The following ATG4C variants were observed in gnomAD, a reference collection of about 807,000 sequenced individuals.
ATG4C encodes autophagy related 4C cysteine peptidase, also known as cysteine protease ATG4C.
ATG4C carries 56 observed loss-of-function variants against 57.6 expected under a neutral mutation model. That is an observed-to-expected ratio of 0.97 (90% CI 0.78 to 1.21). The LOEUF is 1.21. ATG4C is among the 50% of genes most tolerant of loss of function. The pLI is 0.00. For missense variants in ATG4C, 595 were observed against 529.8 expected (o/e 1.12, Z -1.21); for synonymous variants, 157 against 174.1 (o/e 0.90, Z 0.78).
At chr1:62,814,177 A>G (rs1331146534) in intron 3 of ATG4C, among the ~76,000 whole-genome samples, 1 of 152,240 alleles carries the variant, frequency 6.6e-6, no homozygotes, top group Non-Finnish European at 1.5e-5. Flanking sequence ...TCACAATAGC[A>G]AAGACTTGGA....
Position 62,863,998 on chromosome 1 carries a change from A to T in ATG4C, c.1216A>T (p.Lys406Ter), listed in dbSNP as rs781531420. The T allele has an allele frequency of 2.5e-6, 4 of 1,570,290 alleles. No homozygotes were observed. Among genetic ancestry groups the T allele is most frequent in the African/African-American group, 1.4e-5 (1 of 72,432 alleles). The change falls in exon 11 of 11, where the codon AAA becomes TAA. Residue 406 changes from lysine (K) to a stop codon, truncating the protein, a stop_gained. Transcript: ENST00000317868. LOFTEE classifies it high-confidence loss of function. ...TCTATACTTTCTGTTACAGATGCTG[A>T]AATTTTCTTCTAAGGAGAAATATCC... ...RASEEITKML[K>*]FSSKEKYPLF...
intron 2 of ATG4C, 46 bp downstream of exon 2, chr1:62,803,908 G>T: frequency 1.6e-6 from 2 of 1,233,462 alleles, no homozygotes; most frequent in Admixed American, 2.1e-5. Context: ...AGAAATATTT[G>T]ACAATATTTA....
intron 10 of ATG4C, among the ~76,000 whole-genome samples, chr1:62,850,431 A>G (rs1666469322): frequency 6.6e-6 from 1 of 152,130 alleles, no homozygotes; most frequent in Non-Finnish European, 1.5e-5. Context: ...TTAATTTTTT[A>G]AAGAACCTTA....
chr1:62,845,245 A>G (rs1255222216), intron 10 of ATG4C, among the ~76,000 whole-genome samples: 1 of 152,136 alleles, frequency 6.6e-6, no homozygotes, highest in Non-Finnish European at 1.5e-5. Context: ...TAACATCCTT[A>G]TCAACACTTG....
chr1:62,819,263 T>C lies in ATG4C; in HGVS notation c.653T>C (p.Ile218Thr), dbSNP rs780517769. Residue 218 changes from isoleucine to threonine, a missense_variant, in exon 5 of 11, where the codon ATA becomes ACA. Transcript: ENST00000317868. ...GCTCTTTTTGGCTTACATCAACTAA[T>C]AGAATATGGAAAGAAGTCTGGGAAA... ...PLALFGLHQL[I>T]EYGKKSGKKA... is the part of the protein sequence containing the mutation. The C allele has an allele frequency of 6.4e-5, 104 of 1,613,134 alleles. No individual in the cohort carries two copies. The highest frequency in any genetic ancestry group is 4.7e-4 in the Admixed American group (28 of 59,888).
rs114190274 is a variant in ATG4C at position 62,809,483 on chromosome 1, A to G, written c.160+4228A>G. Among the ~76,000 whole-genome samples, 1,159 of 144,836 alleles carry G rather than the reference A, an allele frequency of 8.0e-3. 32 individuals are homozygous for G. The highest frequency in any genetic ancestry group is 0.028 in the African/African-American group (1,078 of 38,198). Reference sequence around the variant, plus strand: ...TGTATATATAAATACATATAGACATATATAGTGTATATAATATATAGTCTA... The same window carrying G: ...TGTATATATAAATACATATAGACATGTATAGTGTATATAATATATAGTCTA... On this transcript the variant is annotated intron_variant, in intron 3 of 10. Transcript: ENST00000317868.
chr1:62,790,434 C>T (rs1664238400), intron 1 of ATG4C, among the ~76,000 whole-genome samples: 2 of 152,156 alleles, frequency 1.3e-5, no homozygotes, highest in Non-Finnish European at 2.9e-5. Flanking sequence ...GATACCGCTT[C>T]CAGCAACAGA....
chr1:62,860,754 A>G (rs1186578256), intron 10 of ATG4C, among the ~76,000 whole-genome samples: 1 of 152,216 alleles, frequency 6.6e-6, no homozygotes, highest in Non-Finnish European at 1.5e-5. Flanking sequence ...TAACCCCTAC[A>G]TAGGGTATAG....
intron 6 of ATG4C, among the ~76,000 whole-genome samples, chr1:62,827,725 G>A (rs934093788): frequency 1.3e-5 from 2 of 151,986 alleles, no homozygotes; most frequent in African/African-American, 4.8e-5. Flanking sequence ...CTTATGTCAC[G>A]GGGGTTTGTT....
In ATG4C at chr1:62,838,641, G is replaced by A. The variant is rs570826976; in HGVS notation, c.1090-2787G>A. On this transcript the variant is annotated intron_variant, in intron 9 of 10. Transcript: ENST00000317868. ...AAAAATACAAAAAAATTAGCTGGGC[G>A]TGGTGGTGCGCACCTGTAATCCCAG... Among the ~76,000 whole-genome samples, 13 of 152,152 alleles carry A rather than the reference G, an allele frequency of 8.5e-5. No homozygotes were observed. In the East Asian group the frequency reaches 2.3e-3, roughly 27 times the overall value.
rs777963015 is a variant in ATG4C at position 62,821,218 on chromosome 1, T to A, written c.796+9T>A. 1.9e-6 allele frequency: 3 copies of A among 1,543,138 alleles called. No homozygotes were observed. Among genetic ancestry groups the A allele is most frequent in the Non-Finnish European group, 1.8e-6 (2 of 1,140,084 alleles). On this transcript the variant is annotated intron_variant, in intron 6 of 10. Coordinates refer to ENST00000317868, the MANE Select transcript of ATG4C (RefSeq NM_032852.4). ...TGCACAAGATTGTACAGGTAAGGAA[T>A]GTATATAATTCTAATCTTTGTTTTA...
intron 3 of ATG4C, among the ~76,000 whole-genome samples, chr1:62,808,344 A>G (rs1664947266): frequency 6.6e-6 from 1 of 152,222 alleles, no homozygotes; most frequent in Non-Finnish European, 1.5e-5. Flanking sequence ...GTGGTACACT[A>G]GAGGAAGCCT....
intron 1 of ATG4C, among the ~76,000 whole-genome samples, chr1:62,789,333 G>A (rs1014169449): frequency 1.3e-5 from 2 of 152,140 alleles, no homozygotes; most frequent in African/African-American, 2.4e-5. Context: ...AATCTGGTCA[G>A]TAGTAGATCC....
chr1:62,863,690 C>G (rs971624326), intron 10 of ATG4C, among the ~76,000 whole-genome samples: 2 of 152,010 alleles, frequency 1.3e-5, no homozygotes, highest in Admixed American at 6.6e-5. Flanking sequence ...CAACCTAACT[C>G]TCTAGTATTT....
intron 1 of ATG4C, among the ~76,000 whole-genome samples, chr1:62,796,630 C>T (rs1355041942): frequency 1.3e-5 from 2 of 152,112 alleles, no homozygotes; most frequent in East Asian, 3.8e-4. Context: ...CCAGCAGTTT[C>T]AGTTGTATTG....
chr1:62,820,267 G>A (rs532452315), intron 5 of ATG4C, among the ~76,000 whole-genome samples: 2 of 152,052 alleles, frequency 1.3e-5, no homozygotes, highest in African/African-American at 2.4e-5. Context: ...CTTCTGTGAA[G>A]TGACAATAGT....
At chr1:62,813,357 C>T (rs1665153739) in intron 3 of ATG4C, among the ~76,000 whole-genome samples, 1 of 152,106 alleles carries the variant, frequency 6.6e-6, no homozygotes, top group South Asian at 2.1e-4. Context: ...GGAATGGATT[C>T]CCTATTTAAT....
At chr1:62,849,119 T>G (rs2100354471) in intron 10 of ATG4C, among the ~76,000 whole-genome samples, 1 of 152,292 alleles carries the variant, frequency 6.6e-6, no homozygotes, top group East Asian at 1.9e-4. Context: ...TCTTTATTGG[T>G]GATGCTAACT....
chr1:62,812,193 C>T (rs889953833), intron 3 of ATG4C, among the ~76,000 whole-genome samples: 8 of 152,036 alleles, frequency 5.3e-5, no homozygotes, highest in African/African-American at 1.9e-4. Context: ...GGCCAATATC[C>T]CTGATCAACA....
Sources: allele counts gnomAD v4.1 joint callset (sites outside exome capture counted in the v4.1 genomes callset), GRCh38; gene constraint gnomAD v4.1.1; transcripts MANE v1.5; gene names NCBI Gene and HGNC (gene_info 2026-07-23, HGNC 2026-07-21).